The following KCNQ5 variants were observed in gnomAD, a reference collection of about 807,000 sequenced individuals.
The protein encoded by KCNQ5 is potassium voltage-gated channel subfamily Q member 5, also known as potassium voltage-gated channel subfamily KQT member 5.
KCNQ5 carries 30 observed loss-of-function variants against 98.2 expected under a neutral mutation model. That is an observed-to-expected ratio of 0.31 (90% CI 0.23 to 0.41). The LOEUF (loss-of-function observed/expected upper bound fraction) is 0.41, where lower values mean the gene tolerates loss of function less well. KCNQ5 is among the 10% of genes least tolerant of loss of function. The probability of loss-of-function intolerance (pLI) is 1.00; values close to 1 mark genes in which losing one functional copy is unlikely to be tolerated. For synonymous variants in KCNQ5, 458 were observed against 449.4 expected, an observed-to-expected ratio of 1.02 and a Z score of -0.24; for missense variants, 835 against 1,182.5, an observed-to-expected ratio of 0.71 and a Z score of 4.31.
At chr6:72,914,157 C>A (rs1780045043) in intron 1 of KCNQ5, among the ~76,000 whole-genome samples, 2 of 152,086 alleles carry the variant, frequency 1.3e-5, no homozygotes, top group South Asian at 4.2e-4. Flanking sequence ...GAACCCCCAC[C>A]AATGGAGTCC....
At chr6:72,733,629 T>C (rs912038418) in intron 1 of KCNQ5, among the ~76,000 whole-genome samples, 2 of 152,184 alleles carry the variant, frequency 1.3e-5, no homozygotes, top group African/African-American at 4.8e-5. Context: ...TTCTGAGAAG[T>C]TAGCAGCAAG....
intron 1 of KCNQ5, among the ~76,000 whole-genome samples, chr6:72,829,677 A>G (rs910063915): frequency 3.3e-5 from 5 of 152,324 alleles, no homozygotes; most frequent in African/African-American, 9.6e-5. Flanking sequence ...TAGATGCCAT[A>G]GAGGTTCTAG....
At chr6:72,790,817 G>A (rs1773997779) in intron 1 of KCNQ5, among the ~76,000 whole-genome samples, 1 of 152,154 alleles carries the variant, frequency 6.6e-6, no homozygotes, top group Admixed American at 6.5e-5. Context: ...AAAGTACACG[G>A]TATTAAACTT....
intron 11 of KCNQ5, among the ~76,000 whole-genome samples, chr6:73,175,726 C>T (rs1043916687): frequency 5.3e-5 from 8 of 152,252 alleles, no homozygotes; most frequent in African/African-American, 1.9e-4. Flanking sequence ...CAGAGATAAA[C>T]GTTAACAAAA....
chr6:73,160,037 A>G (rs1344267834), intron 10 of KCNQ5, among the ~76,000 whole-genome samples: 1 of 147,970 alleles, frequency 6.8e-6, no homozygotes, highest in Admixed American at 6.7e-5. Context: ...TTTTTGAGAC[A>G]GAGTCTCGCT....
rs556450179 is a variant in KCNQ5, at chr6:73,154,555, G to T, written c.1469-15191G>T. The stretch of plus-strand genomic sequence containing the variant: ...GATGATACAGTGAGAGAGAGAGAGA[G>T]ATCCCTCTTCCTTTTGTACCAATGT... On this transcript the variant is annotated intron_variant, in intron 10 of 13. Transcript: ENST00000370398. Among the ~76,000 whole-genome samples, 4 of 151,800 alleles carry T rather than the reference G, an allele frequency of 2.6e-5. No individual in the cohort carries two copies. The South Asian group carries it at 8.4e-4, about 32-fold the overall frequency.
At chr6:72,996,100 C>T (rs1278440125) in intron 1 of KCNQ5, among the ~76,000 whole-genome samples, 1 of 152,176 alleles carries the variant, frequency 6.6e-6, no homozygotes, top group Admixed American at 6.5e-5. Context: ...CCTGAGTTCC[C>T]AGTTCCTGGT....
chr6:72,878,912 A>G (rs1778526348), intron 1 of KCNQ5, among the ~76,000 whole-genome samples: 1 of 152,100 alleles, frequency 6.6e-6, no homozygotes, highest in Non-Finnish European at 1.5e-5. Flanking sequence ...ATTAGATGTG[A>G]TTTGCTAAGA....
At chr6:72,958,088 T>C (rs1274304518) in intron 1 of KCNQ5, among the ~76,000 whole-genome samples, 4 of 152,272 alleles carry the variant, frequency 2.6e-5, no homozygotes, top group Non-Finnish European at 1.5e-5. Flanking sequence ...CTTTTTTTTT[T>C]CTTTTTATGA....
chr6:72,710,749 C>T (rs1176909615), intron 1 of KCNQ5, among the ~76,000 whole-genome samples: 1 of 152,082 alleles, frequency 6.6e-6, no homozygotes, highest in African/African-American at 2.4e-5. Flanking sequence ...TAGTGGGGGA[C>T]ATCAATACCC....
chr6:72,765,373 G>C (rs1166237530), intron 1 of KCNQ5, among the ~76,000 whole-genome samples: 1 of 151,988 alleles, frequency 6.6e-6, no homozygotes, highest in Non-Finnish European at 1.5e-5. Context: ...AAGAATCTCA[G>C]ATCAAGATAA....
intron 1 of KCNQ5, among the ~76,000 whole-genome samples, chr6:72,944,682 T>C (rs993812566): frequency 6.6e-6 from 1 of 152,176 alleles, no homozygotes. Flanking sequence ...CCTTTCCTCA[T>C]GGGCTTAAGA....
chr6:73,025,623 C>CAAAAAAAA (rs58607159), intron 2 of KCNQ5, among the ~76,000 whole-genome samples: 4 of 53,002 alleles, frequency 7.5e-5, no homozygotes, highest in African/African-American at 1.2e-4. Context: ...AACTCCATCT[C>CAAAAAAAA]AAAAAAAAAA....
intron 1 of KCNQ5, among the ~76,000 whole-genome samples, chr6:72,829,116 C>T: frequency 6.6e-6 from 1 of 152,046 alleles, no homozygotes; most frequent in Non-Finnish European, 1.5e-5. Flanking sequence ...TTGCCTGTTT[C>T]TCCTCCCACA....
chr6:72,724,338 G>A (rs207467160), intron 1 of KCNQ5, among the ~76,000 whole-genome samples: 10 of 152,038 alleles, frequency 6.6e-5, no homozygotes, highest in African/African-American at 2.4e-4. Flanking sequence ...TATTTTTAAA[G>A]GAAAGAAAAA....
At chr6:72,799,962 A>T (rs958133869) in intron 1 of KCNQ5, among the ~76,000 whole-genome samples, 1 of 152,180 alleles carries the variant, frequency 6.6e-6, no homozygotes, top group Non-Finnish European at 1.5e-5. Flanking sequence ...TTATTATATC[A>T]TATGTTCTAT....
At chr6:72,819,366 G>T (rs996355301) in intron 1 of KCNQ5, among the ~76,000 whole-genome samples, 1 of 151,822 alleles carries the variant, frequency 6.6e-6, no homozygotes, top group East Asian at 1.9e-4. Flanking sequence ...AACTATAGTC[G>T]CCCAGCAATA....
intron 1 of KCNQ5, among the ~76,000 whole-genome samples, chr6:72,918,397 A>G (rs1034677448): frequency 6.6e-6 from 1 of 151,960 alleles, no homozygotes; most frequent in Non-Finnish European, 1.5e-5. Flanking sequence ...TATAATGGAC[A>G]ATTTGGTTTA....
intron 5 of KCNQ5, among the ~76,000 whole-genome samples, chr6:73,097,086 T>C (rs2150410913): frequency 6.7e-6 from 1 of 149,954 alleles, no homozygotes; most frequent in Admixed American, 6.7e-5. Flanking sequence ...TCTTAGTAAT[T>C]TTGAAATGCA....
Sources: gnomAD v4.1 joint callset for allele counts (sites outside exome capture counted in the v4.1 genomes callset) on GRCh38, gnomAD v4.1.1 for gene constraint, MANE v1.5 for transcripts, NCBI Gene and HGNC (gene_info 2026-07-23, HGNC 2026-07-21) for gene names.